CNTN4: variants seen among roughly 807,000 people sequenced by gnomAD.
The protein encoded by CNTN4 is contactin 4, also known as contactin-4.
CNTN4 carries 77 observed loss-of-function variants against 122.5 expected under a neutral mutation model. The ratio of observed to expected loss-of-function variants is 0.63; its 90% CI spans 0.52 to 0.76. The LOEUF is 0.76. Among genes scored for constraint, CNTN4 ranks in the 30% least tolerant of loss-of-function variants. CNTN4 has a pLI of 0.00. For synonymous variants in CNTN4, 512 were observed against 447.0 expected, an observed-to-expected ratio of 1.15 and a Z score of -1.83; for missense variants, 1,256 against 1,259.1, an observed-to-expected ratio of 1.00 and a Z score of 0.04.
At chr3:2,548,505 G>T (rs923270624) in intron 3 of CNTN4, among the ~76,000 whole-genome samples, 1 of 152,024 alleles carries the variant, frequency 6.6e-6, no homozygotes, top group African/African-American at 2.4e-5. Flanking sequence ...TATTATTTCT[G>T]AGGCCTCTGT....
intron 3 of CNTN4, among the ~76,000 whole-genome samples, chr3:2,512,741 C>T (rs1337518592): frequency 6.6e-6 from 1 of 152,078 alleles, no homozygotes; most frequent in Non-Finnish European, 1.5e-5. Context: ...TCATGAATAC[C>T]TGAAAAGGGG....
At chr3:2,616,456 T>C (rs2081743223) in intron 4 of CNTN4, among the ~76,000 whole-genome samples, 1 of 152,204 alleles carries the variant, frequency 6.6e-6, no homozygotes, top group African/African-American at 2.4e-5. Context: ...CATATGTCTT[T>C]ATAGTAGAAT....
At chr3:2,145,710 G>T (rs4685486) in intron 2 of CNTN4, among the ~76,000 whole-genome samples, 6 of 151,958 alleles carry the variant, frequency 3.9e-5, no homozygotes, top group Admixed American at 1.3e-4. Context: ...TACATGAAAT[G>T]AAATTTCAAT....
At chr3:2,611,003 A>G (rs1032602059) in intron 4 of CNTN4, among the ~76,000 whole-genome samples, 1 of 152,144 alleles carries the variant, frequency 6.6e-6, no homozygotes, top group Non-Finnish European at 1.5e-5. Context: ...TAACGATACG[A>G]TACATCTTAT....
intron 4 of CNTN4, among the ~76,000 whole-genome samples, chr3:2,650,425 A>G (rs1483770678): frequency 6.6e-6 from 1 of 152,220 alleles, no homozygotes; most frequent in South Asian, 2.1e-4. Context: ...TGAAATGACA[A>G]CAAAAGAGAA....
In CNTN4 at chr3:2,180,051, G is replaced by A. The variant is rs1239785807; in HGVS notation, c.-145+79412G>A. ...GCTCCATAGCCATAGGTAGCTTATG[G>A]CTGCTGAATTAGATGGTGCATATAT... On this transcript the variant is annotated intron_variant, in intron 2 of 24. Coordinates refer to ENST00000418658, the MANE Select transcript of CNTN4 (RefSeq NM_175607.3). Among the ~76,000 whole-genome samples, 247 of 151,974 alleles carry A rather than the reference G, an allele frequency of 1.6e-3. 1 individual carries two copies. Among genetic ancestry groups the A allele is most frequent in the African/African-American group, 5.8e-3 (241 of 41,484 alleles).
chr3:2,328,672 A>T (rs1285084488), intron 2 of CNTN4, among the ~76,000 whole-genome samples: 1 of 151,984 alleles, frequency 6.6e-6, no homozygotes, highest in East Asian at 1.9e-4. Flanking sequence ...TGGAAAAAAA[A>T]AACAATAAAA....
At chr3:2,245,629 G>A (rs2149644715) in intron 2 of CNTN4, among the ~76,000 whole-genome samples, 1 of 152,084 alleles carries the variant, frequency 6.6e-6, no homozygotes, top group East Asian at 1.9e-4. Context: ...AATGTACCAT[G>A]TACATGTTTT....
Position 2,228,324 on chromosome 3 carries a change from AATAAAATTATATAGCATTTAAATTTCATT to A in CNTN4, c.-144-110853_-144-110825del, listed in dbSNP as rs564012925. Reference sequence around the variant, plus strand: ...AAAATAATAATAATATTTCATTCACAATAAAATTATATAGCATTTAAATTTCATTGTCCATAAATAAAACTTTATTGGGA... The same window carrying A: ...AAAATAATAATAATATTTCATTCACAGTCCATAAATAAAACTTTATTGGGA... On this transcript the variant is annotated intron_variant, in intron 2 of 24. Transcript: ENST00000418658. Among the ~76,000 whole-genome samples the A allele has an allele frequency of 8.5e-4, 129 of 152,266 alleles. 7 individuals are homozygous for A. The South Asian group carries it at 0.026, about 30-fold the overall frequency.
chr3:2,345,168 A>T (rs1289675744), intron 3 of CNTN4, among the ~76,000 whole-genome samples: 1 of 152,192 alleles, frequency 6.6e-6, no homozygotes, highest in Non-Finnish European at 1.5e-5. Context: ...TTCCATGCAT[A>T]TGCTTCTGAA....
intron 3 of CNTN4, among the ~76,000 whole-genome samples, chr3:2,472,348 G>A (rs1276113109): frequency 2.6e-5 from 4 of 151,954 alleles, no homozygotes; most frequent in Non-Finnish European, 4.4e-5. Context: ...TCAAGCGATT[G>A]TCCTCCTTCA....
chr3:2,482,758 C>T (rs2076041182), intron 3 of CNTN4, among the ~76,000 whole-genome samples: 1 of 152,216 alleles, frequency 6.6e-6, no homozygotes, highest in South Asian at 2.1e-4. Flanking sequence ...GCAGCTTCCA[C>T]ATGGTGTTGG....
chr3:2,881,880 G>A (rs980615922), intron 8 of CNTN4, among the ~76,000 whole-genome samples: 8 of 152,096 alleles, frequency 5.3e-5, no homozygotes, highest in African/African-American at 1.9e-4. Context: ...TTTTTCCTCT[G>A]ACTATGGGAA....
chr3:2,293,514 T>A (rs922479714), intron 2 of CNTN4, among the ~76,000 whole-genome samples: 6 of 152,228 alleles, frequency 3.9e-5, no homozygotes, highest in African/African-American at 1.4e-4. Context: ...TTAATTTCCC[T>A]GTGTCTCAGT....
rs566255918 is a variant in CNTN4, at chr3:2,898,422, G to T, written c.941-2263G>T. 6.6e-5 allele frequency among the ~76,000 whole-genome samples: 10 copies of T among 152,238 alleles called. No individual in the cohort carries two copies. The East Asian group carries it at 1.7e-3, about 27-fold the overall frequency. On this transcript the variant is annotated intron_variant, in intron 10 of 24. Coordinates refer to ENST00000418658, the MANE Select transcript of CNTN4 (RefSeq NM_175607.3). Reference sequence around the variant, plus strand: ...TAACTACCACTGAGTATTCTCATCTGGTTCCTTGACCTCCATAACCCTGTG... The same window carrying T: ...TAACTACCACTGAGTATTCTCATCTTGTTCCTTGACCTCCATAACCCTGTG...
At chr3:2,218,415 G>C (rs1042658186) in intron 2 of CNTN4, among the ~76,000 whole-genome samples, 1 of 152,166 alleles carries the variant, frequency 6.6e-6, no homozygotes, top group Non-Finnish European at 1.5e-5. Flanking sequence ...AGCTACTCGG[G>C]AGGCTGAAGG....
At chr3:2,678,296 C>T (rs1328124686) in intron 4 of CNTN4, among the ~76,000 whole-genome samples, 4 of 152,038 alleles carry the variant, frequency 2.6e-5, no homozygotes, top group Non-Finnish European at 4.4e-5. Context: ...TCTTTTTCAG[C>T]CCTGTCGTAA....
chr3:2,799,957 A>G (rs990894736), intron 6 of CNTN4, among the ~76,000 whole-genome samples: 1 of 151,946 alleles, frequency 6.6e-6, no homozygotes, highest in African/African-American at 2.4e-5. Context: ...ATGTGGCTTT[A>G]ATTCTGGGTT....
chr3:2,318,763 C>A (rs1395952389), intron 2 of CNTN4, among the ~76,000 whole-genome samples: 3 of 152,162 alleles, frequency 2.0e-5, no homozygotes, highest in African/African-American at 7.2e-5. Flanking sequence ...CCTCCTCCTC[C>A]CAAGTATCTG....
Sources: allele counts gnomAD v4.1 joint callset (sites outside exome capture counted in the v4.1 genomes callset), GRCh38; gene constraint gnomAD v4.1.1; transcripts MANE v1.5; gene names NCBI Gene and HGNC (gene_info 2026-07-23, HGNC 2026-07-21).